The following PER3 variants were observed in gnomAD, a reference collection of about 807,000 sequenced individuals.
PER3 encodes the protein period circadian protein homolog 3.
Under a neutral mutation model 127.2 loss-of-function variants are expected in PER3, and 107 were observed. The ratio of observed to expected loss-of-function variants is 0.84; its 90% CI spans 0.72 to 0.99. The LOEUF is 0.99. Among genes scored for constraint, PER3 ranks in the 50% least tolerant of loss-of-function variants. The pLI, the probability that PER3 is intolerant of heterozygous loss-of-function variation, is 0.00. For synonymous variants in PER3, 618 were observed against 585.8 expected (o/e 1.05, Z -0.79); for missense variants, 1,560 against 1,525.8 (o/e 1.02, Z -0.37).
intron 8 of PER3, among the ~76,000 whole-genome samples, chr1:7,802,582 A>G (rs2150704983): frequency 6.6e-6 from 1 of 152,302 alleles, no homozygotes; most frequent in Admixed American, 6.5e-5. Flanking sequence ...CATTGTTTTT[A>G]TGTAATTTTA....
chr1:7,827,863 A>G, intron 18 of PER3, 48 bp downstream of exon 18: 1 of 1,461,966 alleles, frequency 6.8e-7, no homozygotes, highest in Non-Finnish European at 9.4e-7. Flanking sequence ...TGAATATCTT[A>G]CTAAAGTTAA....
chr1:7,828,461 A>G (rs1206672495), intron 18 of PER3, among the ~76,000 whole-genome samples: 1 of 152,246 alleles, frequency 6.6e-6, no homozygotes, highest in East Asian at 1.9e-4. Context: ...ATATTTAGGT[A>G]TAGAATCCAA....
intron 6 of PER3, 82 bp from the exon 7 acceptor site, chr1:7,798,443 A>G: frequency 1.0e-5 from 11 of 1,085,784 alleles, no homozygotes; most frequent in South Asian, 9.4e-5. Context: ...GAAATTACCA[A>G]TAAAATATTT....
rs764999345 is a variant in PER3 at position 7,827,309 on chromosome 1, C to T, written c.2380C>T (p.Pro794Ser). ...TCCGCACACCTCGAGCCCGACCTTC[C>T]CACCTGCCGCCATGGTGCCCAGCCA... Reference protein sequence around the residue: ...SSPHTSSPTFPPAAMVPSQAP... With the variant: ...SSPHTSSPTFSPAAMVPSQAP... The change falls in exon 18 of 22, where the codon CCA becomes TCA. Residue 794 changes from proline (P) to serine (S), a missense_variant. Coordinates refer to ENST00000377532, the MANE Select transcript of PER3 (RefSeq NM_001377275.1). The T allele has an allele frequency of 1.9e-6, 3 of 1,613,630 alleles. No individual in the cohort carries two copies. In the African/African-American group the frequency reaches 4.0e-5, roughly 22 times the overall value.
intron 10 of PER3, among the ~76,000 whole-genome samples, chr1:7,806,806 A>AT (rs1431205616): frequency 2.0e-3 from 118 of 58,584 alleles, no homozygotes; most frequent in South Asian, 6.7e-3. Context: ...AAAAAAAAAA[A>AT]AAAAAAATAT....
At chr1:7,833,929 A>AT (rs2097345113) in intron 19 of PER3, among the ~76,000 whole-genome samples, 2 of 147,854 alleles carry the variant, frequency 1.4e-5, no homozygotes, top group Admixed American at 6.7e-5. Flanking sequence ...ATTTTATCTT[A>AT]TTTTTTTCTT....
chr1:7,784,866 GGA>G lies in PER3; in HGVS notation c.-9_-8del. 6.7e-7 allele frequency: 1 copy of G among 1,486,560 alleles called. No individual in the cohort carries two copies. Among genetic ancestry groups the G allele is most frequent in the Non-Finnish European group, 8.9e-7 (1 of 1,129,612 alleles). 92.1% of individuals were successfully genotyped at this position (1,486,560 alleles called of 1,614,324 possible). A position where few individuals can be genotyped will look rare whatever the true frequency, so the allele number is the denominator to read the frequency against. ...GTCCCAGCACGACGTGGAGCCCCGC[GGA>G]GACCTCGAGATGCCCCGCGGGGAAG... is the stretch of plus-strand genomic sequence containing the variant. On this transcript the variant is annotated 5_prime_UTR_variant, in exon 2 of 22. Transcript: ENST00000377532.
At chr1:7,834,941 C>T (rs1421020978) in intron 19 of PER3, among the ~76,000 whole-genome samples, 1 of 152,072 alleles carries the variant, frequency 6.6e-6, no homozygotes, top group Non-Finnish European at 1.5e-5. Flanking sequence ...TCATATCAGC[C>T]ATAAAGGGAT....
Position 7,845,043 on chromosome 1 carries a change from T to A in PER3, c.*2288T>A, listed in dbSNP as rs2097404471. 6.6e-6 allele frequency: 1 copy of A among 152,418 alleles called. No homozygotes were observed. Among genetic ancestry groups the A allele is most frequent in the Admixed American group, 6.5e-5 (1 of 15,290 alleles). The allele number at this position is 152,418 out of a possible 1,614,324, so 9.4% of individuals were successfully genotyped here. A position where few individuals can be genotyped will look rare whatever the true frequency, so the allele number is the denominator to read the frequency against. On this transcript the variant is annotated 3_prime_UTR_variant, in exon 22 of 22. Transcript: ENST00000377532. Reference sequence around the variant, plus strand: ...ACTTCATTGTAATTCACAGTGTAAATTTAATCCAAACTGAAATTTTGTTTC... The same window carrying A: ...ACTTCATTGTAATTCACAGTGTAAAATTAATCCAAACTGAAATTTTGTTTC...
At chr1:7,822,069 G>T (rs929221051) in intron 16 of PER3, among the ~76,000 whole-genome samples, 2 of 152,042 alleles carry the variant, frequency 1.3e-5, no homozygotes, top group African/African-American at 4.8e-5. Context: ...TCTAGGAGTC[G>T]TTGCCATTAC....
chr1:7,791,898 A>G (rs919007426), intron 5 of PER3, among the ~76,000 whole-genome samples: 3 of 152,124 alleles, frequency 2.0e-5, no homozygotes, highest in East Asian at 1.9e-4. Context: ...CCATATCACT[A>G]TCAGCATTTT....
intron 10 of PER3, among the ~76,000 whole-genome samples, chr1:7,806,830 TATATATTACA>T (rs1192205211): frequency 7.2e-6 from 1 of 138,618 alleles, no homozygotes; most frequent in South Asian, 2.2e-4. Flanking sequence ...TATATATATA[TATATATTACA>T]TACACACACA....
intron 18 of PER3, among the ~76,000 whole-genome samples, chr1:7,828,670 G>C (rs12061787): frequency 0.13 from 20,383 of 152,208 alleles, 1,593 homozygotes; most frequent in Non-Finnish European, 0.15. Flanking sequence ...TTAAGACACG[G>C]ATTCAAATCC....
intron 13 of PER3, 144 bp from the exon 14 acceptor site, chr1:7,819,141 G>GA (rs1340521550): frequency 1.6e-6 from 1 of 629,664 alleles, no homozygotes; most frequent in Non-Finnish European, 2.7e-6. Context: ...GTGCATTTTA[G>GA]ATCTGCACTC....
intron 13 of PER3, among the ~76,000 whole-genome samples, 160 bp from the exon 14 acceptor site, chr1:7,819,125 C>T (rs2097264623): frequency 6.6e-6 from 1 of 152,158 alleles, no homozygotes; most frequent in South Asian, 2.1e-4. Flanking sequence ...GGATATCTTT[C>T]TATTAGTGCA....
intron 11 of PER3, among the ~76,000 whole-genome samples, chr1:7,809,330 A>G (rs1030904097): frequency 6.6e-6 from 1 of 152,180 alleles, no homozygotes; most frequent in Non-Finnish European, 1.5e-5. Context: ...AGATGGGAGG[A>G]GAGGGATGGT....
At position 7,802,184 on chromosome 1, in the gene PER3, C is replaced by A. The variant is rs528480067; in HGVS notation, c.873-863C>A. Among the ~76,000 whole-genome samples the A allele has an allele frequency of 2.2e-4, 34 of 152,284 alleles. 1 individual carries two copies. In the South Asian group the frequency reaches 6.8e-3, roughly 31 times the overall value. The stretch of plus-strand genomic sequence containing the variant: ...CCTTAGTCTTACCATCGTAAGTTTC[C>A]CATGAACCTTTATCCTGAAACTATT... On this transcript the variant is annotated intron_variant, in intron 8 of 21. Transcript: ENST00000377532.
In PER3 at chr1:7,827,637, C is replaced by A. The variant is rs376309319; in HGVS notation, c.2708C>A (p.Pro903His). The A allele has an allele frequency of 1.9e-6, 3 of 1,614,126 alleles. No individual in the cohort carries two copies. In the African/African-American group the frequency reaches 4.0e-5, roughly 22 times the overall value. ...ATGAGTCCAACTCTGGACCCACCCC[C>A]TTCAGTCACCAGCCAAAGGAGAGAG... ...SAMSPTLDPP[P>H]SVTSQRREEE... Residue 903 changes from proline (P) to histidine (H), a missense_variant, in exon 18 of 22, where the codon CCT becomes CAT. Transcript: ENST00000377532.
Position 7,819,495 on chromosome 1 carries a change from A to G in PER3, c.1658+75A>G, listed in dbSNP as rs1380331121. Reference sequence around the variant, plus strand: ...CACTGCCACTGTAGAGACTTCATAGAATTTTTAATAGCTGCTCTGACTTGG... The same window carrying G: ...CACTGCCACTGTAGAGACTTCATAGGATTTTTAATAGCTGCTCTGACTTGG... On this transcript the variant is annotated intron_variant, in intron 14 of 21. Transcript: ENST00000377532. The G allele has an allele frequency of 2.3e-6, 3 of 1,325,010 alleles. No individual in the cohort carries two copies. In the Admixed American group the frequency reaches 5.7e-5, roughly 25 times the overall value. The allele number at this position is 1,325,010 out of a possible 1,614,324, so 82.1% of individuals were successfully genotyped here.
Sources: allele counts gnomAD v4.1 joint callset (sites outside exome capture counted in the v4.1 genomes callset), GRCh38; gene constraint gnomAD v4.1.1; transcripts MANE v1.5; gene names NCBI Gene and HGNC (gene_info 2026-07-23, HGNC 2026-07-21).